The following DCDC1 variants were observed in gnomAD, a reference collection of about 807,000 sequenced individuals.
DCDC1 encodes doublecortin domain-containing protein 1.
Under a neutral mutation model 178.3 loss-of-function variants are expected in DCDC1, and 200 were observed. The observed-to-expected ratio is 1.12, with a 90% CI of 1.00 to 1.26. DCDC1 has a LOEUF of 1.26. Among genes scored for constraint, DCDC1 ranks in the 50% most tolerant of loss-of-function variants. The probability of loss-of-function intolerance (pLI) is 0.00; values close to 1 mark genes in which losing one functional copy is unlikely to be tolerated. For missense variants in DCDC1, 1,983 were observed against 1,749.2 expected, an observed-to-expected ratio of 1.13 and a Z score of -2.38; for synonymous variants, 690 against 604.8, an observed-to-expected ratio of 1.14 and a Z score of -2.07.
At chr11:31,023,431 T>C (rs1252117692) in intron 20 of DCDC1, among the ~76,000 whole-genome samples, 1 of 151,956 alleles carries the variant, frequency 6.6e-6, no homozygotes, top group African/African-American at 2.4e-5. Context: ...CAAAGGCTTA[T>C]GTTGGAACAA....
Position 31,065,134 on chromosome 11 carries a change from A to T in DCDC1, c.2318T>A (p.Leu773Gln), listed in dbSNP as rs1278630155. The change falls in exon 19 of 39, where the codon CTG (leucine) becomes CAG (glutamine). Residue 773 changes from leucine (L) to glutamine (Q), a missense_variant. Leu to Gln is a moderately radical substitution (Grantham distance 113). Transcript: ENST00000684477. ...TGCATTTAGCTCCTCTAGGTAGGTC[A>T]GAACAAACTGAGGATAAGCCTGTAA... is the stretch of plus-strand genomic sequence containing the variant. ...IYSKAYPQFV[L>Q]TYLEELNAQV... 1 of 762,466 alleles carries T rather than the reference A, an allele frequency of 1.3e-6. No homozygotes were observed. Among genetic ancestry groups the T allele is most frequent in the Non-Finnish European group, 2.4e-6 (1 of 416,648 alleles). 47.2% of individuals were successfully genotyped at this position (762,466 alleles called of 1,614,324 possible).
chr11:31,008,222 T>C (rs1004115199), intron 20 of DCDC1, among the ~76,000 whole-genome samples: 1 of 152,004 alleles, frequency 6.6e-6, no homozygotes, highest in Non-Finnish European at 1.5e-5. Flanking sequence ...AGGCAAAACA[T>C]AAAACCTTAG....
chr11:31,363,717 C>A (rs1414973090), intron 1 of DCDC1, among the ~76,000 whole-genome samples: 3 of 152,160 alleles, frequency 2.0e-5, no homozygotes, highest in Non-Finnish European at 2.9e-5. Context: ...TTTTAACCCA[C>A]AAATTAACAC....
At chr11:31,344,825 T>A (rs1950733999) in intron 1 of DCDC1, among the ~76,000 whole-genome samples, 1 of 152,212 alleles carries the variant, frequency 6.6e-6, no homozygotes, top group African/African-American at 2.4e-5. Flanking sequence ...TACATCTGCA[T>A]AAGAAGCTGC....
chr11:31,105,214 T>C (rs1239406822), intron 13 of DCDC1, among the ~76,000 whole-genome samples: 1 of 152,030 alleles, frequency 6.6e-6, no homozygotes, highest in Non-Finnish European at 1.5e-5. Context: ...CATTAAACTG[T>C]TAAAATCACA....
intron 18 of DCDC1, among the ~76,000 whole-genome samples, chr11:31,073,517 C>T (rs1956691935): frequency 6.6e-6 from 1 of 152,144 alleles, no homozygotes; most frequent in Non-Finnish European, 1.5e-5. Flanking sequence ...AGGTATGTTT[C>T]ATAATTATGT....
intron 20 of DCDC1, among the ~76,000 whole-genome samples, chr11:31,054,906 A>C (rs1196339391): frequency 6.6e-6 from 1 of 152,114 alleles, no homozygotes; most frequent in Admixed American, 6.6e-5. Context: ...TTAGAAAAAA[A>C]CCCTCTAGAC....
intron 20 of DCDC1, among the ~76,000 whole-genome samples, chr11:31,047,728 T>C (rs956454025): frequency 1.3e-5 from 2 of 152,140 alleles, no homozygotes; most frequent in African/African-American, 4.8e-5. Context: ...TCCTTGAGGA[T>C]GGAGGGATTT....
chr11:31,262,984 T>G, intron 8 of DCDC1: 1 of 1,547,060 alleles, frequency 6.5e-7, no homozygotes, highest in Non-Finnish European at 8.8e-7. Flanking sequence ...AATGTGATAA[T>G]AGCACACTTC....
At chr11:31,079,657 C>T (rs1191797939) in intron 17 of DCDC1, among the ~76,000 whole-genome samples, 1 of 151,746 alleles carries the variant, frequency 6.6e-6, no homozygotes, top group Non-Finnish European at 1.5e-5. Context: ...GTAGGACACA[C>T]AGCAGGTGTC....
chr11:30,928,035 C>T (rs1248833596), intron 22 of DCDC1, among the ~76,000 whole-genome samples: 1 of 152,106 alleles, frequency 6.6e-6, no homozygotes, highest in African/African-American at 2.4e-5. Flanking sequence ...GAAATTTGAT[C>T]TCCAATGATG....
chr11:30,922,381 A>G (rs1590373667), intron 24 of DCDC1, 122 bp downstream of exon 24: 4 of 1,187,292 alleles, frequency 3.4e-6, no homozygotes, highest in Non-Finnish European at 4.4e-6. Flanking sequence ...TTAAAGAGTT[A>G]AACAGCAAGA....
intron 1 of DCDC1, among the ~76,000 whole-genome samples, chr11:31,367,938 G>A (rs537099675): frequency 6.6e-6 from 1 of 152,108 alleles, no homozygotes; most frequent in Non-Finnish European, 1.5e-5. Flanking sequence ...AAAAAAACAA[G>A]GTTCTAGTGA....
chr11:31,352,809 T>C (rs757366424), intron 1 of DCDC1, among the ~76,000 whole-genome samples: 14 of 152,198 alleles, frequency 9.2e-5, no homozygotes, highest in African/African-American at 3.1e-4. Context: ...TACACTCGTA[T>C]GTAGCCCTCT....
chr11:31,279,502 T>C (rs1178487003), intron 7 of DCDC1, among the ~76,000 whole-genome samples: 2 of 152,100 alleles, frequency 1.3e-5, no homozygotes, highest in East Asian at 3.9e-4. Flanking sequence ...CAAATGCTCA[T>C]CAATGATAGA....
At chr11:31,264,901 T>C (rs1945039895) in intron 8 of DCDC1, among the ~76,000 whole-genome samples, 1 of 152,154 alleles carries the variant, frequency 6.6e-6, no homozygotes, top group South Asian at 2.1e-4. Context: ...CTGCATTCAG[T>C]AGTAGCTTCA....
At chr11:31,360,425 G>A (rs1951647617) in intron 1 of DCDC1, among the ~76,000 whole-genome samples, 1 of 152,108 alleles carries the variant, frequency 6.6e-6, no homozygotes, top group African/African-American at 2.4e-5. Context: ...GCCTAAAAGT[G>A]TATACAGTAT....
At chr11:31,354,989 T>C (rs1475733363) in intron 1 of DCDC1, among the ~76,000 whole-genome samples, 1 of 151,980 alleles carries the variant, frequency 6.6e-6, no homozygotes, top group Non-Finnish European at 1.5e-5. Context: ...AACTAAGTGG[T>C]GTTGCACTGG....
chr11:31,247,959 G>A (rs2136952723), intron 8 of DCDC1, among the ~76,000 whole-genome samples: 1 of 152,174 alleles, frequency 6.6e-6, no homozygotes, highest in Non-Finnish European at 1.5e-5. Flanking sequence ...ATTACTTAAA[G>A]AAATACTGAG....
Sources: gnomAD v4.1 joint callset for allele counts (sites outside exome capture counted in the v4.1 genomes callset) on GRCh38, gnomAD v4.1.1 for gene constraint, MANE v1.5 for transcripts, NCBI Gene and HGNC (gene_info 2026-07-23, HGNC 2026-07-21) for gene names.